RBMS3: variants seen among roughly 807,000 people sequenced by gnomAD.
RBMS3 encodes the protein RNA-binding motif, single-stranded-interacting protein 3.
In RBMS3, 27 loss-of-function variants were observed where a neutral mutation model predicts 66.8. The observed-to-expected ratio is 0.40, with a 90% CI of 0.30 to 0.56. The LOEUF is 0.56. Ranked by LOEUF, RBMS3 falls within the 20% of genes least tolerant of loss-of-function variation. The pLI is 0.40. For missense variants in RBMS3, 513 were observed against 549.5 expected (o/e 0.93, Z 0.66); for synonymous variants, 188 against 183.0 (o/e 1.03, Z -0.22).
At chr3:29,817,187 C>CTTTTCTTT (rs2057933600) in intron 6 of RBMS3, among the ~76,000 whole-genome samples, 1 of 80,586 alleles carries the variant, frequency 1.2e-5, no homozygotes, top group African/African-American at 6.0e-5. Context: ...TCCAAATTTT[C>CTTTTCTTT]TTTTCTTTTT....
At chr3:29,947,090 G>A (rs1014456455) in intron 12 of RBMS3, among the ~76,000 whole-genome samples, 2 of 151,510 alleles carry the variant, frequency 1.3e-5, no homozygotes, top group Non-Finnish European at 3.0e-5. Flanking sequence ...ATACAGATTA[G>A]CAGTTTCAAT....
chr3:29,874,745 T>A (rs571432920), intron 7 of RBMS3, among the ~76,000 whole-genome samples: 2 of 152,136 alleles, frequency 1.3e-5, no homozygotes, highest in African/African-American at 4.8e-5. Context: ...TAAACCTTTT[T>A]TTTGGCACAA....
intron 3 of RBMS3, among the ~76,000 whole-genome samples, chr3:29,534,163 T>C (rs1364499578): frequency 1.3e-5 from 2 of 152,234 alleles, no homozygotes; most frequent in Non-Finnish European, 2.9e-5. Context: ...GCAATGTTTC[T>C]GAAGGATATA....
chr3:29,368,722 T>G (rs1342672339), intron 1 of RBMS3, among the ~76,000 whole-genome samples: 1 of 152,192 alleles, frequency 6.6e-6, no homozygotes, highest in East Asian at 1.9e-4. Flanking sequence ...ATACTGTTGC[T>G]GGGAATGTAG....
intron 4 of RBMS3, among the ~76,000 whole-genome samples, chr3:29,664,451 G>A (rs1017488135): frequency 6.6e-6 from 1 of 151,936 alleles, no homozygotes; most frequent in African/African-American, 2.4e-5. Flanking sequence ...TGGCACGACT[G>A]CACTCCATCC....
intron 4 of RBMS3, among the ~76,000 whole-genome samples, chr3:29,653,805 C>T (rs1576446310): frequency 6.6e-6 from 1 of 152,196 alleles, no homozygotes; most frequent in East Asian, 1.9e-4. Context: ...TCTGCTTTTC[C>T]TAATTTTGCC....
chr3:29,730,925 C>T, intron 4 of RBMS3: 1 of 985,274 alleles, frequency 1.0e-6, no homozygotes, highest in Non-Finnish European at 1.2e-6. Context: ...ACTGGTGATA[C>T]TGAGCTCAAG....
At chr3:29,990,070 C>T (rs964168462) in intron 13 of RBMS3, among the ~76,000 whole-genome samples, 3 of 151,882 alleles carry the variant, frequency 2.0e-5, no homozygotes, top group Admixed American at 6.6e-5. Flanking sequence ...TTGCCTTGAA[C>T]CAGTGATTAT....
intron 12 of RBMS3, among the ~76,000 whole-genome samples, chr3:29,952,826 C>A (rs1385533051): frequency 6.6e-6 from 1 of 151,588 alleles, no homozygotes; most frequent in Non-Finnish European, 1.5e-5. Flanking sequence ...TAGCAGTTTG[C>A]CCAAGAGACT....
intron 1 of RBMS3, among the ~76,000 whole-genome samples, chr3:29,422,594 T>C (rs1408846328): frequency 2.6e-5 from 4 of 152,050 alleles, no homozygotes; most frequent in Non-Finnish European, 4.4e-5. Context: ...ATAAGTTTCT[T>C]ATTATAAAAA....
chr3:29,744,218 A>G (rs1022527998), intron 5 of RBMS3, among the ~76,000 whole-genome samples: 1 of 152,122 alleles, frequency 6.6e-6, no homozygotes, highest in African/African-American at 2.4e-5. Context: ...GGTAGAGGCC[A>G]TGCCTTCTTC....
At chr3:29,612,233 C>CAT (rs1426550940) in intron 4 of RBMS3, among the ~76,000 whole-genome samples, 1 of 151,930 alleles carries the variant, frequency 6.6e-6, no homozygotes, top group East Asian at 1.9e-4. Context: ...AGTGATTGCA[C>CAT]ATATATATAT....
At chr3:29,677,172 C>G (rs2051292065) in intron 4 of RBMS3, among the ~76,000 whole-genome samples, 1 of 152,042 alleles carries the variant, frequency 6.6e-6, no homozygotes, top group Admixed American at 6.6e-5. Flanking sequence ...GAGAAACCAC[C>G]CTCATAATCC....
chr3:29,334,718 C>T (rs532599813), intron 1 of RBMS3, among the ~76,000 whole-genome samples: 8 of 152,106 alleles, frequency 5.3e-5, no homozygotes, highest in Non-Finnish European at 1.2e-4. Context: ...TCCTGCATTG[C>T]GCTTTAAAGA....
At position 29,683,065 on chromosome 3, in the gene RBMS3, G is replaced by A. The variant is rs573791811; in HGVS notation, c.400-56655G>A. 2.0e-5 allele frequency among the ~76,000 whole-genome samples: 3 copies of A among 152,266 alleles called. 1 individual carries two copies. In the South Asian group the frequency reaches 6.2e-4, roughly 32 times the overall value. On this transcript the variant is annotated intron_variant, in intron 4 of 14. Transcript: ENST00000383767. ...GGTCAGTCAAGATTATTCTTAGTGTGTCGGGGGCAGAATGGTGGGGTGAAA... is the reference window on the plus strand; with the variant it reads ...GGTCAGTCAAGATTATTCTTAGTGTATCGGGGGCAGAATGGTGGGGTGAAA...
rs79301562 is a variant in RBMS3, at chr3:29,612,452, G to A, written c.399+25247G>A. 7.1e-3 allele frequency among the ~76,000 whole-genome samples: 1,080 copies of A among 152,094 alleles called. 17 individuals carry two copies. Among genetic ancestry groups the A allele is most frequent in the African/African-American group, 0.025 (1,043 of 41,534 alleles). ...CCCAATCCTCTGCTTCATGTGAAAT[G>A]TTTTAGTAGCATCTTTGTTTGTACA... On this transcript the variant is annotated intron_variant, in intron 4 of 14. Coordinates refer to ENST00000383767, the MANE Select transcript of RBMS3 (RefSeq NM_001003793.3).
intron 1 of RBMS3, among the ~76,000 whole-genome samples, chr3:29,421,663 A>C (rs1351774779): frequency 6.6e-6 from 1 of 152,218 alleles, no homozygotes; most frequent in African/African-American, 2.4e-5. Flanking sequence ...GTCTTAAAAA[A>C]TTCTTCTGAG....
At chr3:29,410,542 A>T (rs1013982349) in intron 1 of RBMS3, among the ~76,000 whole-genome samples, 2 of 152,192 alleles carry the variant, frequency 1.3e-5, no homozygotes, top group African/African-American at 2.4e-5. Context: ...AATTTGCGCC[A>T]GTGTCTGGTA....
chr3:29,307,770 A>G (rs897469582), intron 1 of RBMS3, among the ~76,000 whole-genome samples: 1 of 151,944 alleles, frequency 6.6e-6, no homozygotes, highest in African/African-American at 2.4e-5. Flanking sequence ...TGTGGAAAAT[A>G]AAAGCCTTTG....
Sources: allele counts gnomAD v4.1 joint callset (sites outside exome capture counted in the v4.1 genomes callset), GRCh38; gene constraint gnomAD v4.1.1; transcripts MANE v1.5; gene names NCBI Gene and HGNC (gene_info 2026-07-23, HGNC 2026-07-21).